Variants in COL19A1 observed in about 807,000 individuals in gnomAD.
The protein encoded by COL19A1 is collagen alpha-1(XIX) chain.
COL19A1 carries 159 observed loss-of-function variants against 190.2 expected under a neutral mutation model. The ratio of observed to expected loss-of-function variants is 0.84; its 90% CI spans 0.73 to 0.95. The LOEUF is 0.95. Ranked by LOEUF, COL19A1 falls within the 40% of genes least tolerant of loss-of-function variation. The probability of loss-of-function intolerance (pLI) is 0.00; values close to 1 mark genes in which losing one functional copy is unlikely to be tolerated. For synonymous variants in COL19A1, 509 were observed against 458.9 expected, an observed-to-expected ratio of 1.11 and a Z score of -1.39; for missense variants, 1,418 against 1,431.9, an observed-to-expected ratio of 0.99 and a Z score of 0.16.
rs1768214438 is a variant in COL19A1, at chr6:70,211,638, A to G, written c.*4364A>G. On this transcript the variant is annotated 3_prime_UTR_variant, in exon 51 of 51. Transcript: ENST00000620364. Reference sequence around the variant, plus strand: ...TTAGTTGGCTGGTTAAGATAGCATTAATTATCTTAAATTTATTCAACTACT... The same window carrying G: ...TTAGTTGGCTGGTTAAGATAGCATTGATTATCTTAAATTTATTCAACTACT... Among the ~76,000 whole-genome samples the G allele has an allele frequency of 6.6e-6, 1 of 151,048 alleles. No homozygotes were observed. The highest frequency in any genetic ancestry group is 2.1e-4 in the South Asian group (1 of 4,752).
At chr6:69,973,966 A>G (rs1181888979) in intron 11 of COL19A1, 1 of 152,226 alleles carries the variant, frequency 6.6e-6, no homozygotes, top group East Asian at 1.9e-4. Context: ...CAGAGGTGTT[A>G]GTGCAGCTGC....
At chr6:70,164,482 G>A (rs531588632) in intron 36 of COL19A1, among the ~76,000 whole-genome samples, 1 of 152,078 alleles carries the variant, frequency 6.6e-6, no homozygotes, top group Non-Finnish European at 1.5e-5. Flanking sequence ...CATTTTGAAG[G>A]AAACAATGAC....
chr6:70,095,424 G>A (rs1477421945), intron 15 of COL19A1, among the ~76,000 whole-genome samples: 1 of 152,084 alleles, frequency 6.6e-6, no homozygotes, highest in Non-Finnish European at 1.5e-5. Flanking sequence ...TAAAAATGGA[G>A]AATTGGAGAG....
intron 16 of COL19A1, among the ~76,000 whole-genome samples, chr6:70,113,155 GAGACA>G (rs1466779510): frequency 6.6e-6 from 1 of 152,124 alleles, no homozygotes; most frequent in African/African-American, 2.4e-5. Context: ...AAAAGCTAGC[GAGACA>G]AGACAAGATC....
chr6:70,182,970 A>G (rs1247971013), intron 44 of COL19A1, among the ~76,000 whole-genome samples: 2 of 152,130 alleles, frequency 1.3e-5, no homozygotes, highest in African/African-American at 4.8e-5. Context: ...AGATTGACGC[A>G]ACTGGTGGAG....
intron 1 of COL19A1, among the ~76,000 whole-genome samples, chr6:69,871,957 C>A (rs1315729372): frequency 6.6e-6 from 1 of 151,948 alleles, no homozygotes; most frequent in African/African-American, 2.4e-5. Context: ...GCTGGGACTA[C>A]AGGTGCCTGT....
chr6:70,064,962 A>G (rs1271740567), intron 14 of COL19A1, among the ~76,000 whole-genome samples: 3 of 152,236 alleles, frequency 2.0e-5, no homozygotes, highest in Admixed American at 6.5e-5. Flanking sequence ...AAAAGAGGAC[A>G]CAAACAAATG....
intron 9 of COL19A1, among the ~76,000 whole-genome samples, chr6:69,942,834 C>T (rs757393267): frequency 2.0e-5 from 3 of 151,190 alleles, no homozygotes; most frequent in African/African-American, 4.9e-5. Context: ...CATGTATTAG[C>T]GATTGTGAGT....
chr6:70,028,801 A>G (rs1019054553), intron 12 of COL19A1, among the ~76,000 whole-genome samples: 8 of 152,186 alleles, frequency 5.3e-5, no homozygotes, highest in African/African-American at 1.4e-4. Context: ...TGAAGATTAA[A>G]GGGACTATCA....
intron 1 of COL19A1, among the ~76,000 whole-genome samples, chr6:69,873,531 C>T (rs139911494): frequency 5.8e-4 from 89 of 152,366 alleles, no homozygotes; most frequent in African/African-American, 2.0e-3. Context: ...ATCACCTGCT[C>T]TGTTACATTC....
chr6:70,087,419 G>C (rs917729323), intron 15 of COL19A1, among the ~76,000 whole-genome samples: 9 of 152,134 alleles, frequency 5.9e-5, no homozygotes, highest in Non-Finnish European at 8.8e-5. Context: ...TCTAGGTAGG[G>C]GAAGCAGCAG....
chr6:69,894,651 G>C (rs1316694299), intron 2 of COL19A1, among the ~76,000 whole-genome samples: 1 of 152,112 alleles, frequency 6.6e-6, no homozygotes, highest in Non-Finnish European at 1.5e-5. Flanking sequence ...CCCTTTAAAG[G>C]ACAGGCCTGG....
chr6:69,943,406 T>G (rs1773595549), intron 9 of COL19A1, among the ~76,000 whole-genome samples: 1 of 152,116 alleles, frequency 6.6e-6, no homozygotes, highest in South Asian at 2.1e-4. Context: ...AGCTTTTTAT[T>G]GCAATATGGT....
chr6:70,063,197 T>C (rs1011170109), intron 14 of COL19A1, among the ~76,000 whole-genome samples: 3 of 152,048 alleles, frequency 2.0e-5, no homozygotes, highest in South Asian at 2.1e-4. Context: ...AGCACCACAC[T>C]GCACCTATTC....
chr6:70,047,695 T>A (rs1431300913), intron 14 of COL19A1, among the ~76,000 whole-genome samples: 1 of 152,182 alleles, frequency 6.6e-6, no homozygotes, highest in African/African-American at 2.4e-5. Context: ...GTGTATGTTC[T>A]ATAACCTTCC....
At chr6:69,913,814 A>G (rs899490229) in intron 4 of COL19A1, among the ~76,000 whole-genome samples, 1 of 152,168 alleles carries the variant, frequency 6.6e-6, no homozygotes, top group Non-Finnish European at 1.5e-5. Flanking sequence ...AGCTGAGCGC[A>G]TATGCCATTG....
At chr6:70,149,642 A>T (rs1786903591) in intron 27 of COL19A1, 62 bp from the exon 28 acceptor site, 3 of 1,592,602 alleles carry the variant, frequency 1.9e-6, no homozygotes, top group Non-Finnish European at 2.6e-6. Flanking sequence ...CTTTTATGTC[A>T]CTTGGATAAT....
At chr6:70,042,308 T>A (rs943647980) in intron 14 of COL19A1, among the ~76,000 whole-genome samples, 3 of 152,206 alleles carry the variant, frequency 2.0e-5, no homozygotes, top group African/African-American at 7.2e-5. Flanking sequence ...ACAGGTTCGG[T>A]TCCGTACCAC....
rs888279222 is a variant in COL19A1, at chr6:70,209,284, A to C, written c.*2010A>C. On this transcript the variant is annotated 3_prime_UTR_variant, in exon 51 of 51. Transcript: ENST00000620364. ...AATTTGTCATAAAGCTAAATATTTT[A>C]TATGTTTTCAAAGATTATTTTTTCA... 2.8e-5 allele frequency: 4 copies of C among 144,296 alleles called. No individual in the cohort carries two copies. Among genetic ancestry groups the C allele is most frequent in the Admixed American group, 2.0e-4 (3 of 14,802 alleles). The allele number at this position is 144,296 out of a possible 1,614,324, so 8.9% of individuals were successfully genotyped here. A position where few individuals can be genotyped will look rare whatever the true frequency, so the allele number is the denominator to read the frequency against.
Sources: gnomAD v4.1 joint callset for allele counts (sites outside exome capture counted in the v4.1 genomes callset) on GRCh38, gnomAD v4.1.1 for gene constraint, MANE v1.5 for transcripts, NCBI Gene and HGNC (gene_info 2026-07-23, HGNC 2026-07-21) for gene names.